PCOLCE2: variants seen among roughly 807,000 people sequenced by gnomAD.
The protein encoded by PCOLCE2 is procollagen C-proteinase enhancer 2.
Under a neutral mutation model 47.0 loss-of-function variants are expected in PCOLCE2, and 42 were observed. That is an observed-to-expected ratio of 0.89 (90% CI 0.70 to 1.16). The LOEUF is 1.16. Among genes scored for constraint, PCOLCE2 ranks in the 50% most tolerant of loss-of-function variants. The pLI is 0.00. For synonymous variants in PCOLCE2, 169 were observed against 191.7 expected (o/e 0.88, Z 0.98); for missense variants, 500 against 526.1 (o/e 0.95, Z 0.49).
chr3:142,825,458 A>T (rs1038160509), intron 6 of PCOLCE2, among the ~76,000 whole-genome samples: 5 of 151,958 alleles, frequency 3.3e-5, no homozygotes, highest in African/African-American at 1.2e-4. Context: ...CCACCCTCCC[A>T]TGTCTGATCC....
At chr3:142,830,348 A>G (rs1442261341) in intron 5 of PCOLCE2, among the ~76,000 whole-genome samples, 1 of 152,204 alleles carries the variant, frequency 6.6e-6, no homozygotes, top group Non-Finnish European at 1.5e-5. Context: ...AAAATGGACA[A>G]ATCTGGTGAA....
At chr3:142,818,834 T>G (rs911953270) in intron 8 of PCOLCE2, among the ~76,000 whole-genome samples, 12 of 152,244 alleles carry the variant, frequency 7.9e-5, no homozygotes, top group Non-Finnish European at 1.5e-4. Flanking sequence ...GAAGCTGGAC[T>G]GAGTGGTTAG....
At chr3:142,858,869 C>T (rs947805408) in intron 2 of PCOLCE2, among the ~76,000 whole-genome samples, 2 of 152,032 alleles carry the variant, frequency 1.3e-5, no homozygotes, top group African/African-American at 4.8e-5. Context: ...TTTCAATTCT[C>T]CGGAAGTTGT....
chr3:142,851,680 C>T (rs1166844366), intron 2 of PCOLCE2, among the ~76,000 whole-genome samples: 1 of 152,140 alleles, frequency 6.6e-6, no homozygotes, highest in Non-Finnish European at 1.5e-5. Context: ...ATTGAAATTA[C>T]AGTTGATTAG....
rs114065280 is a variant in PCOLCE2 at position 142,873,801 on chromosome 3, T to C, written c.192+13868A>G. On this transcript the variant is annotated intron_variant, in intron 2 of 8. Coordinates refer to ENST00000295992, the MANE Select transcript of PCOLCE2 (RefSeq NM_013363.4). ...CTCAAGAGAATCATATGGTGAGAGA[T>C]AATGACACACTCGGGGGGTGGAACG... 9.0e-3 allele frequency among the ~76,000 whole-genome samples: 1,367 copies of C among 152,294 alleles called. 20 individuals carry two copies. The highest frequency in any genetic ancestry group is 0.011 in the Non-Finnish European group (755 of 68,012).
chr3:142,870,054 A>C (rs1452610632), intron 2 of PCOLCE2, among the ~76,000 whole-genome samples: 2 of 152,214 alleles, frequency 1.3e-5, no homozygotes, highest in South Asian at 2.1e-4. Flanking sequence ...TTTCACATGA[A>C]TGAGGGATAA....
chr3:142,833,002 G>A (rs1380119054), intron 5 of PCOLCE2, among the ~76,000 whole-genome samples: 1 of 152,160 alleles, frequency 6.6e-6, no homozygotes, highest in Non-Finnish European at 1.5e-5. Context: ...CTCAATAGCC[G>A]CCGCCAGGGC....
At chr3:142,871,113 C>T (rs1460934015) in intron 2 of PCOLCE2, among the ~76,000 whole-genome samples, 1 of 152,226 alleles carries the variant, frequency 6.6e-6, no homozygotes, top group Non-Finnish European at 1.5e-5. Flanking sequence ...TTCCAGTTTG[C>T]TCTGAGGTCA....
intron 2 of PCOLCE2, among the ~76,000 whole-genome samples, chr3:142,852,600 G>A (rs914391319): frequency 2.6e-5 from 4 of 150,950 alleles, no homozygotes; most frequent in Non-Finnish European, 5.9e-5. Context: ...TTCCTCAGAA[G>A]CAACCACTGT....
At chr3:142,835,118 C>A (rs1253331836) in intron 5 of PCOLCE2, among the ~76,000 whole-genome samples, 5 of 151,972 alleles carry the variant, frequency 3.3e-5, no homozygotes, top group Non-Finnish European at 5.9e-5. Flanking sequence ...CTTCTACCTC[C>A]TAATTTCCCA....
intron 2 of PCOLCE2, among the ~76,000 whole-genome samples, chr3:142,852,447 A>G (rs1419283131): frequency 6.6e-6 from 1 of 152,116 alleles, no homozygotes; most frequent in Non-Finnish European, 1.5e-5. Context: ...GAATAATATA[A>G]CACCTGGATA....
chr3:142,846,796 T>C (rs967143915), intron 3 of PCOLCE2: 4 of 152,226 alleles, frequency 2.6e-5, no homozygotes, highest in Non-Finnish European at 5.9e-5. Flanking sequence ...CTTTTATCTC[T>C]AGAATTATTA....
intron 5 of PCOLCE2, among the ~76,000 whole-genome samples, chr3:142,837,133 A>C (rs1427280311): frequency 2.0e-5 from 3 of 152,250 alleles, no homozygotes; most frequent in African/African-American, 4.8e-5. Context: ...ATGAAGGAAG[A>C]GGGCTACAAG....
At chr3:142,838,936 A>G in intron 4 of PCOLCE2, 30 bp from the exon 5 acceptor site, 3 of 1,553,340 alleles carry the variant, frequency 1.9e-6, no homozygotes, top group Non-Finnish European at 2.7e-6. Flanking sequence ...GAAGTGTCAA[A>G]TATTAATAGC....
intron 5 of PCOLCE2, among the ~76,000 whole-genome samples, chr3:142,835,249 AAAT>A (rs1937189885): frequency 6.6e-6 from 1 of 152,154 alleles, no homozygotes; most frequent in Admixed American, 6.5e-5. Flanking sequence ...TTTTTGCTTC[AAAT>A]AATCTTATGT....
chr3:142,825,183 T>C (rs1423934145), intron 6 of PCOLCE2, among the ~76,000 whole-genome samples: 1 of 152,106 alleles, frequency 6.6e-6, no homozygotes, highest in Non-Finnish European at 1.5e-5. Context: ...CAAAAAGTTG[T>C]GGTGTGTCTG....
intron 2 of PCOLCE2, among the ~76,000 whole-genome samples, chr3:142,870,799 A>G (rs1268898892): frequency 6.6e-6 from 1 of 151,378 alleles, no homozygotes; most frequent in East Asian, 1.9e-4. Context: ...ACACCTACAC[A>G]TAGTTGGATA....
chr3:142,830,405 T>TG (rs1383281479), intron 5 of PCOLCE2, among the ~76,000 whole-genome samples: 2 of 152,222 alleles, frequency 1.3e-5, no homozygotes, highest in Admixed American at 1.3e-4. Context: ...ATTATCTCAG[T>TG]GGACTGATTA....
chr3:142,843,228 T>C (rs1330631436), intron 3 of PCOLCE2, 180 bp from the exon 4 acceptor site: 5 of 685,334 alleles, frequency 7.3e-6, no homozygotes, highest in African/African-American at 1.8e-5. Context: ...ACACACACAA[T>C]GAATGATCTT....
Sources: allele counts gnomAD v4.1 joint callset (sites outside exome capture counted in the v4.1 genomes callset), GRCh38; gene constraint gnomAD v4.1.1; transcripts MANE v1.5; gene names NCBI Gene and HGNC (gene_info 2026-07-23, HGNC 2026-07-21).